IMMP2L: variants seen among roughly 807,000 people sequenced by gnomAD.
IMMP2L encodes the protein mitochondrial inner membrane protease subunit 2.
A neutral mutation model predicts 19.3 loss-of-function variants in IMMP2L; 18 were observed. The observed-to-expected ratio is 0.93, with a 90% CI of 0.64 to 1.38. IMMP2L has a LOEUF of 1.38. IMMP2L is among the 40% of genes most tolerant of loss of function. The probability of loss-of-function intolerance (pLI) is 0.00; values close to 1 mark genes in which losing one functional copy is unlikely to be tolerated. For synonymous variants in IMMP2L, 76 were observed against 73.0 expected (o/e 1.04, Z -0.21); for missense variants, 233 against 218.2 (o/e 1.07, Z -0.43).
chr7:111,501,617 C>T (rs560683232), intron 2 of IMMP2L, among the ~76,000 whole-genome samples: 319 of 152,250 alleles, frequency 2.1e-3, no homozygotes, highest in African/African-American at 7.5e-3. Context: ...AGACAAACAG[C>T]GGATCTCTCA....
chr7:111,535,115 C>A (rs1847763350), intron 1 of IMMP2L, among the ~76,000 whole-genome samples: 1 of 152,082 alleles, frequency 6.6e-6, no homozygotes, highest in Non-Finnish European at 1.5e-5. Context: ...TTCAAATGAT[C>A]TGTTCCTAGC....
intron 3 of IMMP2L, among the ~76,000 whole-genome samples, chr7:111,393,116 C>T (rs1832531890): frequency 6.6e-6 from 1 of 151,992 alleles, no homozygotes; most frequent in Admixed American, 6.6e-5. Context: ...CTAATCAAGG[C>T]TTGGTCTGTT....
chr7:110,873,179 G>T (rs1808697975), intron 5 of IMMP2L, among the ~76,000 whole-genome samples: 2 of 152,014 alleles, frequency 1.3e-5, no homozygotes, highest in Admixed American at 1.3e-4. Context: ...ACCTTGGGAG[G>T]CCAAGACATG....
intron 3 of IMMP2L, among the ~76,000 whole-genome samples, chr7:111,385,570 T>G (rs1283155801): frequency 6.6e-6 from 1 of 152,106 alleles, no homozygotes; most frequent in African/African-American, 2.4e-5. Context: ...AATGTTAAAG[T>G]TGTAACTAGA....
chr7:110,936,512 A>G (rs1344930923), intron 4 of IMMP2L, among the ~76,000 whole-genome samples: 1 of 152,216 alleles, frequency 6.6e-6, no homozygotes, highest in Non-Finnish European at 1.5e-5. Context: ...ACCATCTCAC[A>G]CCAGTTAGAA....
intron 5 of IMMP2L, among the ~76,000 whole-genome samples, chr7:110,839,678 T>G (rs1804866144): frequency 6.6e-6 from 1 of 152,128 alleles, no homozygotes; most frequent in Non-Finnish European, 1.5e-5. Context: ...GGGCTATGTA[T>G]GTGTTCCTAT....
chr7:111,002,737 C>T (rs1823843018), intron 3 of IMMP2L, among the ~76,000 whole-genome samples: 1 of 152,194 alleles, frequency 6.6e-6, no homozygotes, highest in East Asian at 1.9e-4. Context: ...GATACTAAGT[C>T]AGTTTCCACT....
intron 2 of IMMP2L, among the ~76,000 whole-genome samples, chr7:111,513,810 C>T (rs544886379): frequency 3.3e-5 from 5 of 152,016 alleles, no homozygotes; most frequent in African/African-American, 1.2e-4. Context: ...TGTATATATA[C>T]ACACACACAG....
At chr7:110,792,624 C>T (rs1800540786) in intron 5 of IMMP2L, among the ~76,000 whole-genome samples, 1 of 152,116 alleles carries the variant, frequency 6.6e-6, no homozygotes, top group Admixed American at 6.6e-5. Flanking sequence ...GTCTTTCACG[C>T]TGCTTGCACT....
chr7:111,501,134 T>C (rs1844201435), intron 2 of IMMP2L, among the ~76,000 whole-genome samples: 1 of 152,004 alleles, frequency 6.6e-6, no homozygotes, highest in South Asian at 2.1e-4. Context: ...TTAAAGGAGC[T>C]GATGGAGCTG....
intron 3 of IMMP2L, among the ~76,000 whole-genome samples, chr7:111,440,822 T>C (rs528099106): frequency 3.3e-5 from 5 of 152,090 alleles, no homozygotes; most frequent in African/African-American, 1.2e-4. Context: ...CTTAAAAATC[T>C]GCTGTGTAGT....
chr7:111,317,630 C>T (rs1327048367), intron 3 of IMMP2L, among the ~76,000 whole-genome samples: 1 of 152,042 alleles, frequency 6.6e-6, no homozygotes, highest in Non-Finnish European at 1.5e-5. Context: ...TAAAAATCAA[C>T]AATTTGTCTT....
At chr7:111,296,910 T>G (rs766781071) in intron 3 of IMMP2L, among the ~76,000 whole-genome samples, 7 of 152,020 alleles carry the variant, frequency 4.6e-5, no homozygotes, top group Non-Finnish European at 8.8e-5. Context: ...TCAAAGGCAT[T>G]GCACTGAGTG....
chr7:111,430,458 A>C lies in IMMP2L; in HGVS notation c.239+56780T>G, dbSNP rs189628656. Among the ~76,000 whole-genome samples the C allele has an allele frequency of 1.1e-3, 169 of 151,842 alleles. 1 individual carries two copies. The highest frequency in any genetic ancestry group is 3.8e-3 in the African/African-American group (156 of 41,254). On this transcript the variant is annotated intron_variant, in intron 3 of 5. Coordinates refer to ENST00000405709, the MANE Select transcript of IMMP2L (RefSeq NM_032549.4). ...TTCTTTAACTTCTTTTCAAAAATCTAAATTTATAATAGATCTATAGTTCTG... is the reference window on the plus strand; with the variant it reads ...TTCTTTAACTTCTTTTCAAAAATCTCAATTTATAATAGATCTATAGTTCTG...
intron 5 of IMMP2L, among the ~76,000 whole-genome samples, chr7:110,835,949 T>A (rs568788669): frequency 6.6e-6 from 1 of 152,232 alleles, no homozygotes; most frequent in South Asian, 2.1e-4. Context: ...ACATTGTAAT[T>A]ACATTTACAC....
intron 5 of IMMP2L, among the ~76,000 whole-genome samples, chr7:110,824,154 C>T (rs1348207056): frequency 6.6e-6 from 1 of 152,018 alleles, no homozygotes; most frequent in Non-Finnish European, 1.5e-5. Context: ...TGGGTATTAT[C>T]ACCTACATTA....
In IMMP2L at chr7:111,033,382, G is replaced by GT. The variant is rs562148159; in HGVS notation, c.240-69818dup. Among the ~76,000 whole-genome samples, 12 of 151,890 alleles carry GT rather than the reference G, an allele frequency of 7.9e-5. No homozygotes were observed. The South Asian group carries it at 2.5e-3, about 31-fold the overall frequency. On this transcript the variant is annotated intron_variant, in intron 3 of 5. Coordinates refer to ENST00000405709, the MANE Select transcript of IMMP2L (RefSeq NM_032549.4). Reference sequence around the variant, plus strand: ...CACTCATTGCTGGTGGGAATGCAAAGTGGCACAGCCACTTTGAAAGAGGGT... The same window carrying GT: ...CACTCATTGCTGGTGGGAATGCAAAGTTGGCACAGCCACTTTGAAAGAGGGT...
chr7:111,188,728 T>C (rs1359168165), intron 3 of IMMP2L, among the ~76,000 whole-genome samples: 5 of 152,070 alleles, frequency 3.3e-5, no homozygotes, highest in Admixed American at 2.0e-4. Context: ...AACTGTTAAT[T>C]GGCACTTGCA....
intron 1 of IMMP2L, among the ~76,000 whole-genome samples, chr7:111,550,611 C>G (rs913976705): frequency 6.6e-6 from 1 of 151,862 alleles, no homozygotes; most frequent in Non-Finnish European, 1.5e-5. Flanking sequence ...ACCAAAAGAC[C>G]CTAAAAAAAA....
Sources: allele counts gnomAD v4.1 joint callset (sites outside exome capture counted in the v4.1 genomes callset), GRCh38; gene constraint gnomAD v4.1.1; transcripts MANE v1.5; gene names NCBI Gene and HGNC (gene_info 2026-07-23, HGNC 2026-07-21).